MATN3: variants seen among roughly 807,000 people sequenced by gnomAD.
MATN3 encodes matrilin-3.
In MATN3, 48 loss-of-function variants were observed where a neutral mutation model predicts 45.3. The observed-to-expected ratio is 1.06, with a 90% CI of 0.84 to 1.35. The LOEUF (loss-of-function observed/expected upper bound fraction) is 1.35. Among genes scored for constraint, MATN3 ranks in the 40% most tolerant of loss-of-function variants. The pLI, the probability that MATN3 is intolerant of heterozygous loss-of-function variation, is 0.00. For missense variants in MATN3, 599 were observed against 628.0 expected (o/e 0.95, Z 0.49); for synonymous variants, 217 against 245.9 (o/e 0.88, Z 1.10).
Position 19,992,904 on chromosome 2 carries a change from A to C in MATN3, c.*207T>G, listed in dbSNP as rs1308466990. ...CTTAGAGACACTAAAGTTTGCTCTT[A>C]ATAAGTATCTGCATATGTATTTCCT... On this transcript the variant is annotated 3_prime_UTR_variant, in exon 8 of 8. Coordinates refer to ENST00000407540, the MANE Select transcript of MATN3 (RefSeq NM_002381.5). The C allele has an allele frequency of 7.3e-6, 4 of 546,746 alleles. No individual in the cohort carries two copies. The highest frequency in any genetic ancestry group is 2.0e-5 in the African/African-American group (1 of 50,906). 33.9% of individuals were successfully genotyped at this position (546,746 alleles called of 1,614,324 possible).
Position 20,005,954 on chromosome 2 carries a change from C to T in MATN3, c.580G>A (p.Val194Ile). 6.2e-7 allele frequency: 1 copy of T among 1,613,958 alleles called. No individual in the cohort carries two copies. Among genetic ancestry groups the T allele is most frequent in the Non-Finnish European group, 8.5e-7 (1 of 1,179,836 alleles). The change falls in exon 2 of 8, where the codon GTT (valine) becomes ATT (isoleucine). Residue 194 changes from valine to isoleucine, a missense_variant. Coordinates refer to ENST00000407540, the MANE Select transcript of MATN3 (RefSeq NM_002381.5). ...TGGTCCTGGGGCCTCCCATCTGTAA[C>T]AATGATGGCCACCTTAGGGATGTTA... ...SSNIPKVAIIVTDGRPQDQVN... is the reference protein window; with the variant it reads ...SSNIPKVAIIITDGRPQDQVN...
At chr2:19,994,118 G>A (rs1384221186) in intron 7 of MATN3, among the ~76,000 whole-genome samples, 181 bp downstream of exon 7, 5 of 152,178 alleles carry the variant, frequency 3.3e-5, no homozygotes, top group Non-Finnish European at 5.9e-5. Context: ...TTGAATGGGT[G>A]AAACAGTCTA....
intron 7 of MATN3, 53 bp downstream of exon 7, chr2:19,994,246 G>C (rs1407474095): frequency 8.6e-7 from 1 of 1,156,206 alleles, no homozygotes; most frequent in East Asian, 2.4e-5. Context: ...TGGCTCGATC[G>C]TAGTACCTTG....
chr2:19,994,878 CAGG>C (rs1375631347), intron 6 of MATN3, among the ~76,000 whole-genome samples: 13 of 152,086 alleles, frequency 8.5e-5, no homozygotes, highest in African/African-American at 3.1e-4. Flanking sequence ...CACTTGAGGC[CAGG>C]AGTTCAAGAC....
chr2:19,998,223 A>ATT (rs148503762), intron 5 of MATN3, among the ~76,000 whole-genome samples: 5 of 151,194 alleles, frequency 3.3e-5, no homozygotes, highest in African/African-American at 1.2e-4. Flanking sequence ...TACAATTTAG[A>ATT]TTTTTTTTTC....
intron 5 of MATN3, 71 bp from the exon 6 acceptor site, chr2:19,997,330 G>A: frequency 6.8e-7 from 1 of 1,471,026 alleles, no homozygotes; most frequent in Non-Finnish European, 9.1e-7. Flanking sequence ...ATGTTTGAGA[G>A]GAGAAGCTTC....
intron 1 of MATN3, among the ~76,000 whole-genome samples, chr2:20,007,943 A>G (rs1296209508): frequency 2.0e-5 from 3 of 152,146 alleles, no homozygotes; most frequent in Non-Finnish European, 4.4e-5. Flanking sequence ...ATGAGACAAG[A>G]AAAAAAGCCA....
chr2:20,005,030 A>G (rs1225761270), intron 2 of MATN3, among the ~76,000 whole-genome samples: 1 of 152,202 alleles, frequency 6.6e-6, no homozygotes, highest in Non-Finnish European at 1.5e-5. Flanking sequence ...TAAAAATTCC[A>G]ATAAAATTAG....
chr2:20,002,046 A>G lies in MATN3; in HGVS notation c.951T>C (p.Cys317=). 1.2e-6 allele frequency: 2 copies of G among 1,613,448 alleles called. No individual in the cohort carries two copies. The highest frequency in any genetic ancestry group is 1.3e-5 in the African/African-American group (1 of 75,048). ...TTCTGTCATTCACACAGATGTGCTC[A>G]CATCCGTGGGTGTTAAGAGCACACC... ...LDRCALNTHG[C]EHICVNDRSG... The change falls in exon 4 of 8, where the codon TGT becomes TGC. Residue 317 remains cysteine (C), a synonymous_variant. Transcript: ENST00000407540.
At chr2:20,000,634 AC>A (rs533450563) in intron 4 of MATN3, 68 bp from the exon 5 acceptor site, 152 of 1,463,508 alleles carry the variant, frequency 1.0e-4, no homozygotes, top group Admixed American at 3.7e-4. Flanking sequence ...CAGGATAGAA[AC>A]CTTATTTGCA....
At position 19,998,129 on chromosome 2, in the gene MATN3, T is replaced by C. The variant is rs1425182055; in HGVS notation, c.1169-870A>G. On this transcript the variant is annotated intron_variant, in intron 5 of 7. Coordinates refer to ENST00000407540, the MANE Select transcript of MATN3 (RefSeq NM_002381.5). The stretch of plus-strand genomic sequence containing the variant: ...TTGTGGCTCACTAATGCCTATAGAA[T>C]AGCTTCTTGTGAAATGTGAGACGCT... 2.6e-5 allele frequency among the ~76,000 whole-genome samples: 4 copies of C among 152,236 alleles called. No homozygotes were observed. The South Asian group carries it at 6.2e-4, about 24-fold the overall frequency.
chr2:20,008,569 G>T (rs987309677), intron 1 of MATN3, among the ~76,000 whole-genome samples: 2 of 152,180 alleles, frequency 1.3e-5, no homozygotes, highest in South Asian at 4.1e-4. Flanking sequence ...CCTGCTGCTT[G>T]GAGGTATTTA....
rs1672792807 is a variant in MATN3 at position 19,993,120 on chromosome 2, T to C, written c.1452A>G (p.Ile484Met). 1 of 1,612,658 alleles carries C rather than the reference T, an allele frequency of 6.2e-7. No individual in the cohort carries two copies. Among genetic ancestry groups the C allele is most frequent in the Non-Finnish European group, 8.5e-7 (1 of 1,178,902 alleles). Reference protein sequence around the residue: ...EKLKINEYGQIHR With the variant: ...EKLKINEYGQMHR ...GAGAAATTGGAGCAATTTAACGATG[T>C]ATTTGTCCATATTCATTTATTTTCA... Residue 484 changes from isoleucine (I) to methionine (M), a missense_variant, in exon 8 of 8, where the codon ATA becomes ATG. Coordinates refer to ENST00000407540, the MANE Select transcript of MATN3 (RefSeq NM_002381.5).
chr2:20,008,287 C>T (rs1673151287), intron 1 of MATN3, among the ~76,000 whole-genome samples: 1 of 152,030 alleles, frequency 6.6e-6, no homozygotes, highest in Non-Finnish European at 1.5e-5. Flanking sequence ...CAAGTCATTC[C>T]CCCTTCTCAC....
intron 6 of MATN3, 97 bp downstream of exon 6, chr2:19,997,037 A>T: frequency 7.5e-7 from 1 of 1,324,748 alleles, no homozygotes; most frequent in Non-Finnish European, 1.1e-6. Context: ...TCTGACAGGG[A>T]GAAAGAATCA....
Position 20,001,964 on chromosome 2 carries a change from T to C in MATN3, c.1033A>G (p.Thr345Ala), listed in dbSNP as rs1427853097. ...EGYTLNEDRKTCSAQDKCALG... is the reference protein window; with the variant it reads ...EGYTLNEDRKACSAQDKCALG... ...CTCCTCCCTCACTTACCTGAACAAG[T>C]TTTCCTGTCTTCATTCAAGGTATAA... The change falls in exon 4 of 8, where the codon ACT becomes GCT. Residue 345 changes from threonine to alanine, a missense_variant. By Grantham distance (58) the Thr-to-Ala change is moderately conservative. Coordinates refer to ENST00000407540, the MANE Select transcript of MATN3 (RefSeq NM_002381.5). 2 of 1,613,040 alleles carry C rather than the reference T, an allele frequency of 1.2e-6. No homozygotes were observed. The highest frequency in any genetic ancestry group is 2.7e-5 in the African/African-American group (2 of 74,954).
chr2:20,002,159 TATACACAC>T (rs1672997375), intron 3 of MATN3, 79 bp from the exon 4 acceptor site: 9 of 723,436 alleles, frequency 1.2e-5, no homozygotes, highest in South Asian at 3.6e-5. Flanking sequence ...CACTTACAGT[TATACACAC>T]ACACACACAC....
chr2:20,003,050 A>G lies in MATN3; in HGVS notation c.916+111T>C, dbSNP rs11681705. On this transcript the variant is annotated intron_variant, in intron 3 of 7. Coordinates refer to ENST00000407540, the MANE Select transcript of MATN3 (RefSeq NM_002381.5). ...GATGAACACCAGTAAACCAGCCAAA[A>G]GGCAGTTAGGTAAAAAGGGGTCAGA... 260,162 of 1,284,138 alleles carry G rather than the reference A, an allele frequency of 0.2. 28,265 individuals are homozygous for G. The highest frequency in any genetic ancestry group is 0.22 in the Admixed American group (10,489 of 48,124). The allele number at this position is 1,284,138 out of a possible 1,614,324, so 79.5% of individuals were successfully genotyped here.
chr2:20,003,196 C>G lies in MATN3; in HGVS notation c.881G>C (p.Gly294Ala), dbSNP rs200304093. The G allele has an allele frequency of 6.2e-7, 1 of 1,613,952 alleles. No individual in the cohort carries two copies. Among genetic ancestry groups the G allele is most frequent in the Non-Finnish European group, 8.5e-7 (1 of 1,179,872 alleles). ...EGKHHCECSQ[G>A]YTLNADKKTC... Reference sequence around the variant, plus strand: ...TTTCTTGTCGGCATTCAAGGTGTATCCTTGGCTACACTCACAGTGGTGCTT... The same window carrying G: ...TTTCTTGTCGGCATTCAAGGTGTATGCTTGGCTACACTCACAGTGGTGCTT... Residue 294 changes from glycine (G) to alanine (A), a missense_variant, in exon 3 of 8, where the codon GGA becomes GCA. By Grantham distance (60) the Gly-to-Ala change is moderately conservative (BLOSUM62 0). Coordinates refer to ENST00000407540, the MANE Select transcript of MATN3 (RefSeq NM_002381.5).
Sources: gnomAD v4.1 joint callset for allele counts (sites outside exome capture counted in the v4.1 genomes callset) on GRCh38, gnomAD v4.1.1 for gene constraint, MANE v1.5 for transcripts, NCBI Gene and HGNC (gene_info 2026-07-23, HGNC 2026-07-21) for gene names.